TBC1D22A: variants seen among roughly 807,000 people sequenced by gnomAD.
TBC1D22A encodes putative GTPase activator.
TBC1D22A carries 38 observed loss-of-function variants against 60.2 expected under a neutral mutation model. That is an observed-to-expected ratio of 0.63 (90% CI 0.49 to 0.83). TBC1D22A has a LOEUF of 0.83. Ranked by LOEUF, TBC1D22A falls within the 40% of genes least tolerant of loss-of-function variation. TBC1D22A has a pLI of 0.00. For missense variants in TBC1D22A, 628 were observed against 701.0 expected (o/e 0.90, Z 1.18); for synonymous variants, 302 against 281.7 (o/e 1.07, Z -0.72).
chr22:47,076,757 ACAACAG>A lies in TBC1D22A; in HGVS notation c.1330-34733_1330-34728del, dbSNP rs201683312. ...TGTAACAGGTGGGGGAAAACAAACA[ACAACAG>A]CAACAGCAACAGCAACAAAAAACAG... is the stretch of plus-strand genomic sequence containing the variant. On this transcript the variant is annotated intron_variant, in intron 11 of 12. Transcript: ENST00000337137. Among the ~76,000 whole-genome samples the A allele has an allele frequency of 8.1e-3, 1,238 of 152,218 alleles. 14 individuals carry two copies. Among genetic ancestry groups the A allele is most frequent in the African/African-American group, 0.028 (1,151 of 41,532 alleles).
intron 4 of TBC1D22A, among the ~76,000 whole-genome samples, chr22:46,871,443 A>G (rs56909881): frequency 0.01 from 1,566 of 152,360 alleles, 25 homozygotes; most frequent in African/African-American, 0.036. Context: ...ACATTCACCA[A>G]GTAGACTGTA....
At chr22:47,003,419 A>G (rs6008016) in intron 10 of TBC1D22A, among the ~76,000 whole-genome samples, 5,232 of 149,592 alleles carry the variant, frequency 0.035, 269 homozygotes, top group African/African-American at 0.12. Context: ...GTACACACAT[A>G]CCCTACGCAC....
chr22:47,098,093 A>T (rs543171939), intron 11 of TBC1D22A, among the ~76,000 whole-genome samples: 6 of 152,052 alleles, frequency 3.9e-5, no homozygotes, highest in Non-Finnish European at 8.8e-5. Context: ...AAAAATCAGG[A>T]TTGGGAGATT....
intron 4 of TBC1D22A, among the ~76,000 whole-genome samples, chr22:46,854,708 G>C (rs6008994): frequency 0.47 from 71,041 of 152,038 alleles, 17,309 homozygotes; most frequent in African/African-American, 0.61. Context: ...ATGCATTCCA[G>C]GTCCTGGCAG....
chr22:46,851,039 G>T (rs1043938379), intron 4 of TBC1D22A, among the ~76,000 whole-genome samples: 13 of 152,204 alleles, frequency 8.5e-5, no homozygotes, highest in Admixed American at 3.3e-4. Context: ...CAGGCACGTG[G>T]TTCCTGTATG....
chr22:47,001,300 T>TC (rs895308748), intron 10 of TBC1D22A, among the ~76,000 whole-genome samples: 1 of 5,608 alleles, frequency 1.8e-4, no homozygotes, highest in African/African-American at 7.4e-4. Context: ...TCTTTCTTTC[T>TC]TTTTTTTTTT....
intron 4 of TBC1D22A, among the ~76,000 whole-genome samples, chr22:46,841,262 G>T (rs2086758392): frequency 6.6e-6 from 1 of 152,218 alleles, no homozygotes; most frequent in South Asian, 2.1e-4. Flanking sequence ...AAAGAGGCCT[G>T]AGGAAGTGGG....
At chr22:46,972,420 A>G (rs2074102922) in intron 8 of TBC1D22A, among the ~76,000 whole-genome samples, 1 of 152,174 alleles carries the variant, frequency 6.6e-6, no homozygotes, top group Non-Finnish European at 1.5e-5. Context: ...AGGCATGCAG[A>G]GACGCGGCGT....
At chr22:47,115,591 G>A (rs902809550) in intron 12 of TBC1D22A, among the ~76,000 whole-genome samples, 3 of 152,296 alleles carry the variant, frequency 2.0e-5, no homozygotes, top group East Asian at 1.9e-4. Context: ...TGCCCTCTGT[G>A]GGTCATTTCA....
chr22:46,784,247 T>A (rs1242001063), intron 1 of TBC1D22A, among the ~76,000 whole-genome samples: 2 of 152,176 alleles, frequency 1.3e-5, no homozygotes, highest in African/African-American at 4.8e-5. Flanking sequence ...TCTCACTATG[T>A]TGCCCAGGCT....
chr22:46,958,090 C>T (rs894816283), intron 8 of TBC1D22A, among the ~76,000 whole-genome samples: 26 of 151,914 alleles, frequency 1.7e-4, no homozygotes, highest in African/African-American at 5.3e-4. Context: ...TTCTGCAGGT[C>T]GGGGAGCAGT....
chr22:47,006,313 C>T (rs1037237546), intron 10 of TBC1D22A, among the ~76,000 whole-genome samples: 4 of 152,316 alleles, frequency 2.6e-5, no homozygotes, highest in Admixed American at 2.6e-4. Flanking sequence ...GGCTGCTTAC[C>T]CAGTGATTGC....
Position 47,122,304 on chromosome 22 carries a change from G to A in TBC1D22A, c.1425+10701G>A, listed in dbSNP as rs116865830. On this transcript the variant is annotated intron_variant, in intron 12 of 12. Coordinates refer to ENST00000337137, the MANE Select transcript of TBC1D22A (RefSeq NM_014346.5). The stretch of plus-strand genomic sequence containing the variant: ...CTGAGCCACCATGACGAGGTTTCCC[G>A]AACTGCCCTGTACTGCCTGTAGATG... Among the ~76,000 whole-genome samples the A allele has an allele frequency of 6.8e-3, 1,035 of 152,308 alleles. 35 individuals are homozygous for A. The East Asian group carries it at 0.1, about 15-fold the overall frequency.
chr22:46,904,142 T>TCTATCTGCCTGCCTACCTACCTACCTAC (rs57116517), intron 7 of TBC1D22A, among the ~76,000 whole-genome samples: 1 of 134,500 alleles, frequency 7.4e-6, no homozygotes, highest in African/African-American at 3.0e-5. Context: ...TATCTATCTA[T>TCTATCTGCCTGCCTACCTACCTACCTAC]CTACCTACCT....
chr22:46,962,457 CAAT>C (rs2073559633), intron 8 of TBC1D22A, among the ~76,000 whole-genome samples: 1 of 152,212 alleles, frequency 6.6e-6, no homozygotes, highest in Non-Finnish European at 1.5e-5. Flanking sequence ...CAATATCTCT[CAAT>C]AAAATGTTCT....
intron 4 of TBC1D22A, among the ~76,000 whole-genome samples, chr22:46,861,469 C>T (rs571471359): frequency 3.3e-5 from 5 of 152,314 alleles, no homozygotes; most frequent in South Asian, 2.1e-4. Flanking sequence ...CTCAGGTGGC[C>T]GGAGACCCCA....
At position 47,097,434 on chromosome 22, in the gene TBC1D22A, T is replaced by C. The variant is rs12485029; in HGVS notation, c.1330-14074T>C. On this transcript the variant is annotated intron_variant, in intron 11 of 12. Transcript: ENST00000337137. Reference sequence around the variant, plus strand: ...ATCGAGACCAGCCTGGCCAACATGGTGAAACCCCATCTCTACTAAAAATAC... The same window carrying C: ...ATCGAGACCAGCCTGGCCAACATGGCGAAACCCCATCTCTACTAAAAATAC... Among the ~76,000 whole-genome samples, 859 of 152,036 alleles carry C rather than the reference T, an allele frequency of 5.6e-3. 28 individuals are homozygous for C. The highest frequency in any genetic ancestry group is 0.047 in the Admixed American group (711 of 15,280).
intron 4 of TBC1D22A, among the ~76,000 whole-genome samples, chr22:46,841,757 C>G (rs1344030383): frequency 2.6e-5 from 4 of 152,136 alleles, no homozygotes; most frequent in Non-Finnish European, 5.9e-5. Flanking sequence ...TTCTAGGGAT[C>G]TCATGTACAG....
chr22:46,825,597 C>G (rs1462919309), intron 4 of TBC1D22A, among the ~76,000 whole-genome samples: 2 of 152,170 alleles, frequency 1.3e-5, no homozygotes, highest in Non-Finnish European at 2.9e-5. Flanking sequence ...CCTCAGCCTC[C>G]CAAGTAGCTG....
Sources: allele counts gnomAD v4.1 joint callset (sites outside exome capture counted in the v4.1 genomes callset), GRCh38; gene constraint gnomAD v4.1.1; transcripts MANE v1.5; gene names NCBI Gene and HGNC (gene_info 2026-07-23, HGNC 2026-07-21).